WDR17: variants seen among roughly 807,000 people sequenced by gnomAD.
WDR17 encodes the protein WD repeat-containing protein 17.
In WDR17, 143 loss-of-function variants were observed where a neutral mutation model predicts 161.7. That is an observed-to-expected ratio of 0.88 (90% CI 0.77 to 1.02). The LOEUF (loss-of-function observed/expected upper bound fraction) is 1.02. WDR17 is among the 50% of genes least tolerant of loss of function. The pLI, the probability that WDR17 is intolerant of heterozygous loss-of-function variation, is 0.00. For synonymous variants in WDR17, 517 were observed against 515.6 expected, an observed-to-expected ratio of 1.00 and a Z score of -0.04; for missense variants, 1,469 against 1,520.9, an observed-to-expected ratio of 0.97 and a Z score of 0.57.
At chr4:176,121,710 G>A (rs1430800703) in intron 4 of WDR17, among the ~76,000 whole-genome samples, 1 of 152,064 alleles carries the variant, frequency 6.6e-6, no homozygotes, top group Non-Finnish European at 1.5e-5. Flanking sequence ...CAAGCCATAA[G>A]ACATTGAGAC....
chr4:176,148,377 A>T, intron 13 of WDR17, 42 bp downstream of exon 13: 1 of 1,534,514 alleles, frequency 6.5e-7, no homozygotes, highest in Non-Finnish European at 9.0e-7. Context: ...TTATATTGAC[A>T]TACTAATGAT....
At chr4:176,167,548 A>G (rs1483246941) in intron 22 of WDR17, among the ~76,000 whole-genome samples, 1 of 141,698 alleles carries the variant, frequency 7.1e-6, no homozygotes, top group Non-Finnish European at 1.5e-5. Context: ...CGGGAGGCTG[A>G]GGCAGGAGAA....
intron 1 of WDR17, among the ~76,000 whole-genome samples, chr4:176,108,736 T>G (rs1257499971): frequency 6.6e-6 from 1 of 152,130 alleles, no homozygotes; most frequent in Non-Finnish European, 1.5e-5. Flanking sequence ...TTCTAGGAAT[T>G]GTTAATTATT....
chr4:176,093,766 G>T (rs2126635963), intron 1 of WDR17, among the ~76,000 whole-genome samples: 1 of 151,662 alleles, frequency 6.6e-6, no homozygotes, highest in South Asian at 2.1e-4. Flanking sequence ...AGGGGTGAGA[G>T]TTAAAACCCA....
At chr4:176,155,199 A>G (rs1747869801) in intron 17 of WDR17, among the ~76,000 whole-genome samples, 1 of 151,950 alleles carries the variant, frequency 6.6e-6, no homozygotes, top group African/African-American at 2.4e-5. Flanking sequence ...TTTAGTTACT[A>G]TTTCTTTTCT....
intron 18 of WDR17, among the ~76,000 whole-genome samples, chr4:176,159,283 A>G (rs560539367): frequency 2.7e-5 from 4 of 149,896 alleles, no homozygotes; most frequent in East Asian, 3.9e-4. Flanking sequence ...ATGCACACAC[A>G]CACACACACA....
chr4:176,148,054 A>T lies in WDR17; in HGVS notation c.1695-79A>T. Reference sequence around the variant, plus strand: ...CTAGATAAGCTAACAAATAATTATTATACTCTATTAAGAATATGTTAATAC... The same window carrying T: ...CTAGATAAGCTAACAAATAATTATTTTACTCTATTAAGAATATGTTAATAC... On this transcript the variant is annotated intron_variant, in intron 12 of 28. Transcript: ENST00000508596. The T allele has an allele frequency of 4.1e-6, 5 of 1,220,126 alleles. No homozygotes were observed. The East Asian group carries it at 1.0e-4, about 25-fold the overall frequency. 75.6% of individuals were successfully genotyped at this position (1,220,126 alleles called of 1,614,324 possible). A position where few individuals can be genotyped will look rare whatever the true frequency, so the allele number is the denominator to read the frequency against.
In WDR17 at chr4:176,149,857, G is replaced by T. The variant is rs745379299; in HGVS notation, c.1948G>T (p.Asp650Tyr). 1.8e-5 allele frequency: 29 copies of T among 1,613,990 alleles called. No individual in the cohort carries two copies. The highest frequency in any genetic ancestry group is 2.3e-5 in the Non-Finnish European group (27 of 1,179,986). ...CTTCACTATGGCCTCTTGCTCCCGT[G>T]ACTCTACAGTGAGACTCTGGTCATT... ...RPFTMASCSRDSTVRLWSLTA... is the reference protein window; with the variant it reads ...RPFTMASCSRYSTVRLWSLTA... The change falls in exon 14 of 29, where the codon GAC becomes TAC. Residue 650 changes from aspartate to tyrosine, a missense_variant. Asp to Tyr is a radical substitution (Grantham distance 160). Transcript: ENST00000508596.
chr4:176,160,129 A>G lies in WDR17; in HGVS notation c.2658+3A>G. ...AAGAAGCTCTGCTTGTTGCACAGGT[A>G]AAACCACAGAACTACCCCAGTCACA... On this transcript the variant is annotated splice_donor_region_variant and intron_variant, in intron 19 of 28. Transcript: ENST00000508596. 1.9e-6 allele frequency: 3 copies of G among 1,613,268 alleles called. No individual in the cohort carries two copies. The highest frequency in any genetic ancestry group is 1.7e-4 in the Middle Eastern group (1 of 6,060).
At chr4:176,097,718 C>T (rs1361261850) in intron 1 of WDR17, among the ~76,000 whole-genome samples, 1 of 135,576 alleles carries the variant, frequency 7.4e-6, no homozygotes, top group Non-Finnish European at 1.6e-5. Context: ...TCAAGCCCCA[C>T]TTACACACAC....
chr4:176,084,788 A>AAT (rs966241567), intron 1 of WDR17, among the ~76,000 whole-genome samples: 78 of 146,000 alleles, frequency 5.3e-4, no homozygotes, highest in African/African-American at 7.2e-4. Flanking sequence ...ATATATATAA[A>AAT]ATATATATAT....
chr4:176,107,528 T>C (rs1346328633), intron 1 of WDR17, among the ~76,000 whole-genome samples: 2 of 151,020 alleles, frequency 1.3e-5, no homozygotes, highest in Non-Finnish European at 2.9e-5. Context: ...ATGGAAGCAA[T>C]CCAGGCGACA....
At chr4:176,092,197 A>G (rs972573993) in intron 1 of WDR17, among the ~76,000 whole-genome samples, 1 of 152,214 alleles carries the variant, frequency 6.6e-6, no homozygotes, top group African/African-American at 2.4e-5. Context: ...AAAAATATTC[A>G]GCAAAATACT....
At position 176,066,601 on chromosome 4, in the gene WDR17, C is replaced by G. The variant is rs1732559511; in HGVS notation, c.-7+522C>G. On this transcript the variant is annotated intron_variant, in intron 1 of 28. Coordinates refer to ENST00000508596, the MANE Select transcript of WDR17 (RefSeq NM_181265.4). The stretch of plus-strand genomic sequence containing the variant: ...CGTAAAATAGAATCTTTGCTGTCCT[C>G]CCCTCTCCAAAATCAGACTTGTTTT... Among the ~76,000 whole-genome samples the G allele has an allele frequency of 2.0e-5, 3 of 152,106 alleles. No homozygotes were observed. In the South Asian group the frequency reaches 6.2e-4, roughly 32 times the overall value.
chr4:176,083,275 T>C (rs1734992627), intron 1 of WDR17, among the ~76,000 whole-genome samples: 1 of 152,086 alleles, frequency 6.6e-6, no homozygotes, highest in Non-Finnish European at 1.5e-5. Flanking sequence ...AAAGAACTCA[T>C]TGACTATGAT....
chr4:176,174,837 C>T (rs1163089480), intron 26 of WDR17, 119 bp downstream of exon 26: 3 of 547,150 alleles, frequency 5.5e-6, no homozygotes, highest in Non-Finnish European at 9.5e-6. Flanking sequence ...CATCTATTTA[C>T]TCAGCGTGTG....
rs867768871 is a variant in WDR17, at chr4:176,066,850, C to A, written c.-7+771C>A. ...ATAAATACCCTTTAGAGAAAACTATCAAAAAAACACAAGTTCGTTGTAAAA... is the reference window on the plus strand; with the variant it reads ...ATAAATACCCTTTAGAGAAAACTATAAAAAAAACACAAGTTCGTTGTAAAA... On this transcript the variant is annotated intron_variant, in intron 1 of 28. Transcript: ENST00000508596. 2.6e-5 allele frequency among the ~76,000 whole-genome samples: 4 copies of A among 151,860 alleles called. No homozygotes were observed. In the Middle Eastern group the frequency reaches 0.01, roughly 387 times the overall value.
At chr4:176,111,464 A>AAAATGTTTT (rs1473486818) in intron 1 of WDR17, 111 bp from the exon 2 acceptor site, 8 of 1,233,122 alleles carry the variant, frequency 6.5e-6, no homozygotes, top group Non-Finnish European at 7.6e-6. Flanking sequence ...TAGTACTAGT[A>AAAATGTTTT]AAATGTTTTT....
At chr4:176,130,607 T>C (rs939050637) in intron 6 of WDR17, among the ~76,000 whole-genome samples, 16 of 151,698 alleles carry the variant, frequency 1.1e-4, no homozygotes, top group Middle Eastern at 6.8e-3. Flanking sequence ...TAGCCGGGCG[T>C]GGTGGCAGGA....
Sources: allele counts gnomAD v4.1 joint callset (sites outside exome capture counted in the v4.1 genomes callset), GRCh38; gene constraint gnomAD v4.1.1; transcripts MANE v1.5; gene names NCBI Gene and HGNC (gene_info 2026-07-23, HGNC 2026-07-21).